Variants in SKA2 observed in about 807,000 individuals in gnomAD.
SKA2 encodes spindle and kinetochore associated complex subunit 2, also known as spindle and kinetochore-associated protein 2.
SKA2 carries 13 observed loss-of-function variants against 16.9 expected under a neutral mutation model. The ratio of observed to expected loss-of-function variants is 0.77; its 90% CI spans 0.50 to 1.22. The LOEUF (loss-of-function observed/expected upper bound fraction) is 1.22, where lower values mean the gene tolerates loss of function less well. Ranked by LOEUF, SKA2 falls within the 50% of genes most tolerant of loss-of-function variation. The pLI is 0.00. For missense variants in SKA2, 107 were observed against 139.7 expected, an observed-to-expected ratio of 0.77 and a Z score of 1.18; for synonymous variants, 47 against 48.5, an observed-to-expected ratio of 0.97 and a Z score of 0.13.
intron 2 of SKA2, among the ~76,000 whole-genome samples, chr17:59,120,343 T>C (rs2046324246): frequency 6.6e-6 from 1 of 152,226 alleles, no homozygotes; most frequent in African/African-American, 2.4e-5. Flanking sequence ...TATTTTGTAA[T>C]ATACATTACC....
chr17:59,121,889 T>C (rs1428866744), intron 2 of SKA2, among the ~76,000 whole-genome samples: 5 of 149,898 alleles, frequency 3.3e-5, no homozygotes, highest in Non-Finnish European at 7.4e-5. Context: ...GGAGAATTGC[T>C]TGAACCTGGG....
intron 1 of SKA2, among the ~76,000 whole-genome samples, chr17:59,139,511 A>G (rs2046472248): frequency 6.7e-6 from 1 of 149,056 alleles, no homozygotes; most frequent in Non-Finnish European, 1.5e-5. Flanking sequence ...TTTTATTTTT[A>G]TTTTTAAATT....
chr17:59,137,703 C>T, intron 1 of SKA2: 1 of 491,218 alleles, frequency 2.0e-6, no homozygotes. Context: ...AATCTAGTTC[C>T]TTGTTTTCTT....
chr17:59,123,559 GAAA>G (rs749384512), intron 2 of SKA2, among the ~76,000 whole-genome samples: 1 of 126,626 alleles, frequency 7.9e-6, no homozygotes, highest in African/African-American at 2.9e-5. Context: ...TCTGTCTCAG[GAAA>G]AAAAAAAAAA....
intron 1 of SKA2, among the ~76,000 whole-genome samples, chr17:59,140,911 C>A (rs533749659): frequency 1.3e-4 from 20 of 151,826 alleles, no homozygotes; most frequent in African/African-American, 4.6e-4. Flanking sequence ...GCATGAGCCA[C>A]CGCGCCTGGC....
intron 2 of SKA2, among the ~76,000 whole-genome samples, chr17:59,123,241 CTT>C (rs138522640): frequency 0.028 from 2,781 of 99,148 alleles, 75 homozygotes; most frequent in African/African-American, 0.092. Flanking sequence ...GTACAAAATT[CTT>C]TTTTTTTTTT....
At chr17:59,137,040 T>A (rs967826341) in intron 1 of SKA2, among the ~76,000 whole-genome samples, 4 of 152,050 alleles carry the variant, frequency 2.6e-5, no homozygotes, top group African/African-American at 9.7e-5. Context: ...TGAGACAGGG[T>A]CTTGCTTTGT....
rs866888018 is a variant in SKA2, at chr17:59,115,813, C to G, written c.298-3468G>C. Reference sequence around the variant, plus strand: ...GTGATCACTACAAAAGCTTTCAGACCATCTGTTTAATAAATTCTCAAAGAA... The same window carrying G: ...GTGATCACTACAAAAGCTTTCAGACGATCTGTTTAATAAATTCTCAAAGAA... On this transcript the variant is annotated intron_variant, in intron 3 of 3. Coordinates refer to ENST00000330137, the MANE Select transcript of SKA2 (RefSeq NM_182620.4). Among the ~76,000 whole-genome samples the G allele has an allele frequency of 3.3e-5, 5 of 152,222 alleles. No homozygotes were observed. The South Asian group carries it at 6.2e-4, about 19-fold the overall frequency.
chr17:59,141,043 C>T (rs1251391131), intron 1 of SKA2, among the ~76,000 whole-genome samples: 6 of 151,746 alleles, frequency 4.0e-5, no homozygotes, highest in African/African-American at 7.3e-5. Flanking sequence ...GCGATCCTCC[C>T]GCCTCTGCCT....
rs535466523 is a variant in SKA2 at position 59,114,595 on chromosome 17, C to G, written c.298-2250G>C. On this transcript the variant is annotated intron_variant, in intron 3 of 3. Transcript: ENST00000330137. ...CATATATATTTGGTCCATTGTTGAC[C>G]AAAACGTCATTATGCACTGCATGTC... 3.9e-5 allele frequency among the ~76,000 whole-genome samples: 6 copies of G among 152,166 alleles called. No individual in the cohort carries two copies. The South Asian group carries it at 1.2e-3, about 32-fold the overall frequency.
At chr17:59,113,768 G>T (rs1568299368) in intron 3 of SKA2, among the ~76,000 whole-genome samples, 1 of 151,642 alleles carries the variant, frequency 6.6e-6, no homozygotes, top group Non-Finnish European at 1.5e-5. Flanking sequence ...GGAGGTTACA[G>T]TGAGCCAAGA....
intron 3 of SKA2, among the ~76,000 whole-genome samples, chr17:59,116,285 A>T (rs1222430631): frequency 6.6e-6 from 1 of 152,206 alleles, no homozygotes; most frequent in East Asian, 1.9e-4. Flanking sequence ...AGGCAGGAGA[A>T]TTGCTTGAAT....
intron 1 of SKA2, among the ~76,000 whole-genome samples, chr17:59,142,241 G>T (rs2046495857): frequency 6.6e-6 from 1 of 151,384 alleles, no homozygotes; most frequent in Non-Finnish European, 1.5e-5. Context: ...TGACAGGGAT[G>T]GTGTTATTGC....
At chr17:59,145,121 A>T (rs1174354376) in intron 1 of SKA2, among the ~76,000 whole-genome samples, 1 of 152,184 alleles carries the variant, frequency 6.6e-6, no homozygotes, top group Non-Finnish European at 1.5e-5. Context: ...TTACAAAATG[A>T]AAAGGTTATG....
At chr17:59,115,055 C>CTTTT (rs776335145) in intron 3 of SKA2, among the ~76,000 whole-genome samples, 1 of 137,170 alleles carries the variant, frequency 7.3e-6, no homozygotes, top group Non-Finnish European at 1.6e-5. Flanking sequence ...TTCTTTCTTC[C>CTTTT]TTTTTTTTTT....
intron 1 of SKA2, among the ~76,000 whole-genome samples, chr17:59,147,059 G>C (rs1568311550): frequency 2.0e-5 from 3 of 151,902 alleles, no homozygotes; most frequent in African/African-American, 7.3e-5. Context: ...TAGGGAGGCT[G>C]AGGCAGAAGA....
intron 1 of SKA2, 52 bp from the exon 2 acceptor site, chr17:59,131,419 CATG>C (rs1484467840): frequency 2.4e-5 from 28 of 1,180,352 alleles, no homozygotes; most frequent in Admixed American, 5.4e-5. Context: ...TAATAGTAAA[CATG>C]ATACTTTATT....
At chr17:59,114,064 T>C (rs1041430484) in intron 3 of SKA2, among the ~76,000 whole-genome samples, 2 of 152,168 alleles carry the variant, frequency 1.3e-5, no homozygotes, top group South Asian at 4.1e-4. Flanking sequence ...AAGCTTTCTC[T>C]TCTCAGGGTT....
At chr17:59,123,920 G>A (rs1351973097) in intron 2 of SKA2, among the ~76,000 whole-genome samples, 3 of 152,154 alleles carry the variant, frequency 2.0e-5, no homozygotes, top group East Asian at 1.9e-4. Context: ...GAGCCAGGAT[G>A]TGAAGTATAA....
Sources: gnomAD v4.1 joint callset for allele counts (sites outside exome capture counted in the v4.1 genomes callset) on GRCh38, gnomAD v4.1.1 for gene constraint, MANE v1.5 for transcripts, NCBI Gene and HGNC (gene_info 2026-07-23, HGNC 2026-07-21) for gene names.